The following CSMD1 variants were observed in gnomAD, a reference collection of about 807,000 sequenced individuals.
CSMD1 encodes the protein CUB and Sushi multiple domains 1.
In CSMD1, 213 loss-of-function variants were observed where a neutral mutation model predicts 417.5. The ratio of observed to expected loss-of-function variants is 0.51; its 90% CI spans 0.46 to 0.57. The LOEUF (loss-of-function observed/expected upper bound fraction) is 0.57, where lower values mean the gene tolerates loss of function less well. CSMD1 is among the 20% of genes least tolerant of loss of function. The pLI, the probability that CSMD1 is intolerant of heterozygous loss-of-function variation, is 0.00. For synonymous variants in CSMD1, 2,862 were observed against 1,736.8 expected (o/e 1.65, Z -16.11); for missense variants, 6,923 against 4,529.7 (o/e 1.53, Z -15.17).
chr8:4,332,473 T>G (rs992681378), intron 3 of CSMD1, among the ~76,000 whole-genome samples: 3 of 151,900 alleles, frequency 2.0e-5, no homozygotes, highest in Non-Finnish European at 2.9e-5. Context: ...TCTCTCCAAC[T>G]GAGCACCTCA....
At chr8:4,330,165 C>T (rs1190654138) in intron 3 of CSMD1, among the ~76,000 whole-genome samples, 1 of 144,770 alleles carries the variant, frequency 6.9e-6, no homozygotes, top group African/African-American at 2.5e-5. Context: ...AAATATACAA[C>T]AGGAACAGAG....
rs551969166 is a variant in CSMD1 at position 4,524,143 on chromosome 8, C to T, written c.303-104078G>A. 2.4e-3 allele frequency among the ~76,000 whole-genome samples: 357 copies of T among 151,872 alleles called. 4 individuals carry two copies. Among genetic ancestry groups the T allele is most frequent in the African/African-American group, 8.3e-3 (343 of 41,398 alleles). On this transcript the variant is annotated intron_variant, in intron 2 of 69. Coordinates refer to ENST00000635120, the MANE Select transcript of CSMD1 (RefSeq NM_033225.6). The stretch of plus-strand genomic sequence containing the variant: ...ATTGAATTAAAAAGGAAATCCAGAC[C>T]TATGCATCATATTTGTATGTATAAA...
intron 6 of CSMD1, among the ~76,000 whole-genome samples, chr8:3,752,702 A>C (rs925744474): frequency 1.3e-5 from 2 of 150,244 alleles, no homozygotes; most frequent in African/African-American, 2.4e-5. Flanking sequence ...AAAAAAAAAA[A>C]AACATATTTT....
At chr8:2,980,826 T>C (rs1318319002) in intron 54 of CSMD1, among the ~76,000 whole-genome samples, 1 of 152,238 alleles carries the variant, frequency 6.6e-6, no homozygotes, top group African/African-American at 2.4e-5. Flanking sequence ...AGGATGTGTA[T>C]TAAAATGCTA....
intron 30 of CSMD1, among the ~76,000 whole-genome samples, chr8:3,213,303 ATTC>A (rs1413276675): frequency 5.3e-5 from 8 of 152,260 alleles, no homozygotes; most frequent in African/African-American, 1.9e-4. Context: ...GTTCTACCTC[ATTC>A]TTCTTCTTTT....
chr8:3,655,379 T>C (rs1399121434), intron 7 of CSMD1, among the ~76,000 whole-genome samples: 1 of 152,236 alleles, frequency 6.6e-6, no homozygotes, highest in African/African-American at 2.4e-5. Flanking sequence ...ATTTTCATTT[T>C]TCACTATTAC....
At chr8:3,939,966 T>C (rs942043745) in intron 5 of CSMD1, among the ~76,000 whole-genome samples, 2 of 151,960 alleles carry the variant, frequency 1.3e-5, no homozygotes, top group East Asian at 3.9e-4. Flanking sequence ...ACTAAAGAAC[T>C]TACCCATGTA....
intron 1 of CSMD1, among the ~76,000 whole-genome samples, chr8:4,941,272 T>TTTGA (rs79189408): frequency 0.51 from 77,557 of 151,864 alleles, 21,029 homozygotes; most frequent in East Asian, 0.79. Flanking sequence ...AGTAACATTC[T>TTTGA]TTGATTCAAA....
At chr8:4,236,987 T>C (rs1563317924) in intron 3 of CSMD1, among the ~76,000 whole-genome samples, 1 of 152,176 alleles carries the variant, frequency 6.6e-6, no homozygotes, top group Non-Finnish European at 1.5e-5. Flanking sequence ...AACTATTTTC[T>C]CACACACACA....
chr8:4,217,927 G>A (rs1488289466), intron 3 of CSMD1, among the ~76,000 whole-genome samples: 1 of 152,178 alleles, frequency 6.6e-6, no homozygotes, highest in African/African-American at 2.4e-5. Flanking sequence ...ACAAGATTCA[G>A]GAGCAAAGAA....
intron 1 of CSMD1, among the ~76,000 whole-genome samples, chr8:4,940,642 G>C (rs778330831): frequency 2.0e-5 from 3 of 152,178 alleles, no homozygotes; most frequent in Admixed American, 6.5e-5. Context: ...AGGCATTAGA[G>C]GTTCTTACGT....
At chr8:3,541,400 C>T (rs1798432401) in intron 10 of CSMD1, among the ~76,000 whole-genome samples, 1 of 151,994 alleles carries the variant, frequency 6.6e-6, no homozygotes, top group Non-Finnish European at 1.5e-5. Flanking sequence ...GGGAGAGCAT[C>T]AGGATGAATA....
At chr8:4,110,654 G>C (rs1801803286) in intron 3 of CSMD1, among the ~76,000 whole-genome samples, 1 of 151,734 alleles carries the variant, frequency 6.6e-6, no homozygotes, top group Non-Finnish European at 1.5e-5. Flanking sequence ...GTGTGCATGT[G>C]TGTGTTTCTA....
At chr8:3,366,988 G>GT in intron 20 of CSMD1, 44 bp downstream of exon 20, 1 of 1,425,356 alleles carries the variant, frequency 7.0e-7, no homozygotes, top group Non-Finnish European at 9.8e-7. Context: ...AGAAATGGCA[G>GT]TATTGTTGCC....
chr8:3,521,496 C>G (rs1205125561), intron 10 of CSMD1, among the ~76,000 whole-genome samples: 3 of 152,088 alleles, frequency 2.0e-5, no homozygotes. Context: ...GTGGTCATGC[C>G]GGTCCCTGTA....
At chr8:4,555,527 T>C (rs993377316) in intron 2 of CSMD1, among the ~76,000 whole-genome samples, 18 of 152,186 alleles carry the variant, frequency 1.2e-4, no homozygotes, top group Non-Finnish European at 1.9e-4. Context: ...ACTCTCCATC[T>C]GCATCCCAGT....
In CSMD1 at chr8:3,448,674, G is replaced by A. The variant is rs148071414; in HGVS notation, c.1561+20038C>T. On this transcript the variant is annotated intron_variant, in intron 12 of 69. Coordinates refer to ENST00000635120, the MANE Select transcript of CSMD1 (RefSeq NM_033225.6). ...GCATGAGTGGAGGCCAAGTGGGCAT[G>A]ACCCATGACCTTCAGGAACTGCAGC... Among the ~76,000 whole-genome samples the A allele has an allele frequency of 5.0e-3, 767 of 152,216 alleles. 7 individuals are homozygous for A. The highest frequency in any genetic ancestry group is 0.014 in the Middle Eastern group (4 of 294).
intron 12 of CSMD1, among the ~76,000 whole-genome samples, chr8:3,421,099 C>T (rs1406093256): frequency 6.6e-6 from 1 of 152,140 alleles, no homozygotes; most frequent in Non-Finnish European, 1.5e-5. Context: ...TGATTCTATG[C>T]TCATTTTCAG....
At chr8:3,123,021 T>C (rs1225869645) in intron 41 of CSMD1, among the ~76,000 whole-genome samples, 1 of 152,166 alleles carries the variant, frequency 6.6e-6, no homozygotes, top group African/African-American at 2.4e-5. Context: ...AACAATTATG[T>C]CTTAAAGGAC....
Sources: allele counts gnomAD v4.1 joint callset (sites outside exome capture counted in the v4.1 genomes callset), GRCh38; gene constraint gnomAD v4.1.1; transcripts MANE v1.5; gene names NCBI Gene and HGNC (gene_info 2026-07-23, HGNC 2026-07-21).